Variants in KLHL21 observed in about 807,000 individuals in gnomAD.
The protein encoded by KLHL21 is kelch-like protein 21.
Under a neutral mutation model 44.1 loss-of-function variants are expected in KLHL21, and 42 were observed. The observed-to-expected ratio is 0.95, with a 90% CI of 0.74 to 1.23. The LOEUF is 1.23. Among genes scored for constraint, KLHL21 ranks in the 50% most tolerant of loss-of-function variants. The probability of loss-of-function intolerance (pLI) is 0.00; values close to 1 mark genes in which losing one functional copy is unlikely to be tolerated. For missense variants in KLHL21, 918 were observed against 889.1 expected, an observed-to-expected ratio of 1.03 and a Z score of -0.41; for synonymous variants, 524 against 411.6, an observed-to-expected ratio of 1.27 and a Z score of -3.31.
chr1:6,593,923 A>G, intron 3 of KLHL21: 11 of 1,263,262 alleles, frequency 8.7e-6, no homozygotes, highest in Non-Finnish European at 1.0e-5. Flanking sequence ...CGTGCCGAGC[A>G]GCGCTTCCTA....
intron 1 of KLHL21, among the ~76,000 whole-genome samples, chr1:6,600,205 C>A (rs1640996018): frequency 6.6e-6 from 1 of 152,086 alleles, no homozygotes; most frequent in African/African-American, 2.4e-5. Flanking sequence ...GCCGCCACAC[C>A]CAGCTAATTT....
In KLHL21 at chr1:6,601,863, CG is replaced by C; in HGVS notation, c.954del (p.Glu319SerfsTer21). 6.3e-7 allele frequency: 1 copy of C among 1,578,350 alleles called. No homozygotes were observed. The highest frequency in any genetic ancestry group is 8.6e-7 in the Non-Finnish European group (1 of 1,163,026). ...CCTCCGCCCAGGTGGTCTGGGAACTCGGCCAGGTAGCGCCACTGACCCGTCT... is the reference window on the plus strand; with the variant it reads ...CCTCCGCCCAGGTGGTCTGGGAACTCGCCAGGTAGCGCCACTGACCCGTCT... Reference protein sequence around the residue: ...NPQTGQWRYLAEFPDHLGGGY... With the variant: ...NPQTGQWRYLXEFPDHLGGGY... On this transcript the variant is annotated frameshift_variant, in exon 1 of 4. Transcript: ENST00000377658. LOFTEE classifies it high-confidence loss of function.
In KLHL21 at chr1:6,593,499, C is replaced by T; in HGVS notation, c.1660G>A (p.Gly554Ser). The change falls in exon 4 of 4, where the codon GGC becomes AGC. Residue 554 changes from glycine (G) to serine (S), a missense_variant. By Grantham distance (56) the Gly-to-Ser change is moderately conservative. Transcript: ENST00000377658. ...AACTGGCGGAAGATGCTGACACTGCCATGCCAGAAGGTGGGTTCTGGGAGC... is the reference window on the plus strand; with the variant it reads ...AACTGGCGGAAGATGCTGACACTGCTATGCCAGAAGGTGGGTTCTGGGAGC... ...GRLPEPTFWH[G>S]SVSIFRQFMP... 1 of 1,613,878 alleles carries T rather than the reference C, an allele frequency of 6.2e-7. No homozygotes were observed. Among genetic ancestry groups the T allele is most frequent in the East Asian group, 2.2e-5 (1 of 44,888 alleles).
chr1:6,599,559 A>C, intron 1 of KLHL21, 107 bp from the exon 2 acceptor site: 1 of 1,170,716 alleles, frequency 8.5e-7, no homozygotes, highest in Non-Finnish European at 1.2e-6. Flanking sequence ...AATTAACATC[A>C]CTGGGCTTCA....
intron 2 of KLHL21, among the ~76,000 whole-genome samples, chr1:6,597,370 C>T (rs1640942231): frequency 6.6e-6 from 1 of 152,168 alleles, no homozygotes; most frequent in Admixed American, 6.5e-5. Flanking sequence ...GGAACCACTG[C>T]CTAGGGGCCG....
chr1:6,592,938 C>T lies in KLHL21; in HGVS notation c.*427G>A, dbSNP rs866222640. 2.4e-5 allele frequency: 4 copies of T among 168,210 alleles called. No individual in the cohort carries two copies. The highest frequency in any genetic ancestry group is 1.2e-4 in the Admixed American group (2 of 16,778). 10.4% of individuals were successfully genotyped at this position (168,210 alleles called of 1,614,324 possible). On this transcript the variant is annotated 3_prime_UTR_variant, in exon 4 of 4. Coordinates refer to ENST00000377658, the MANE Select transcript of KLHL21 (RefSeq NM_014851.4). ...CCCACTTCAGCCCGTCTGCCTGGTC[C>T]GCTGCTCCAGGTTCAGGCCATCCTC... is the stretch of plus-strand genomic sequence containing the variant.
intron 1 of KLHL21, 145 bp from the exon 2 acceptor site, chr1:6,599,597 G>C (rs1640986559): frequency 1.2e-6 from 1 of 842,800 alleles, no homozygotes; most frequent in Non-Finnish European, 1.8e-6. Flanking sequence ...CTCCCCAAAA[G>C]CCCAGGCCAC....
rs1369558513 is a variant in KLHL21 at position 6,595,663 on chromosome 1, C to G, written c.1428-106G>C. The G allele has an allele frequency of 6.7e-6, 6 of 895,280 alleles. No homozygotes were observed. In the African/African-American group the frequency reaches 1.0e-4, roughly 15 times the overall value. The allele number at this position is 895,280 out of a possible 1,614,324, so 55.5% of individuals were successfully genotyped here. Reference sequence around the variant, plus strand: ...CTGGGTCACTGACTCCTCCAGTGACCTGGATCTTTCTGATGCCATCCAGCA... The same window carrying G: ...CTGGGTCACTGACTCCTCCAGTGACGTGGATCTTTCTGATGCCATCCAGCA... On this transcript the variant is annotated intron_variant, in intron 2 of 3. Transcript: ENST00000377658.
At position 6,590,893 on chromosome 1, in the gene KLHL21, ACG is replaced by A; in HGVS notation, c.*2470_*2471del. 2.5e-6 allele frequency: 1 copy of A among 398,646 alleles called. No homozygotes were observed. The highest frequency in any genetic ancestry group is 4.4e-6 in the Non-Finnish European group (1 of 226,062). The allele number at this position is 398,646 out of a possible 1,614,324, so 24.7% of individuals were successfully genotyped here. A position where few individuals can be genotyped will look rare whatever the true frequency, so the allele number is the denominator to read the frequency against. On this transcript the variant is annotated 3_prime_UTR_variant, in exon 4 of 4. Transcript: ENST00000377658. ...GGAGGGAGGGCGTCCTTTATTACAT[ACG>A]CGTCTCTGAAGTCATATAAATATAG...
Position 6,593,233 on chromosome 1 carries a change from G to A in KLHL21, c.*132C>T. On this transcript the variant is annotated 3_prime_UTR_variant, in exon 4 of 4. Transcript: ENST00000377658. ...GAAACCTTCCAGGTAATGGATCCTG[G>A]GCTGGCTTCGCCACCCAAGAGCCTG... 2.1e-6 allele frequency: 2 copies of A among 962,824 alleles called. No homozygotes were observed. The highest frequency in any genetic ancestry group is 1.6e-5 in the African/African-American group (1 of 61,290). The allele number at this position is 962,824 out of a possible 1,614,324, so 59.6% of individuals were successfully genotyped here.
chr1:6,600,017 A>AAT (rs141001110), intron 1 of KLHL21, among the ~76,000 whole-genome samples: 237 of 150,380 alleles, frequency 1.6e-3, no homozygotes, highest in East Asian at 8.3e-3. Context: ...GTGTAAGTAT[A>AAT]ATATATATAT....
rs11811607 is a variant in KLHL21, at chr1:6,593,279, C to A, written c.*86G>T. 3.9e-5 allele frequency: 54 copies of A among 1,387,168 alleles called. 1 individual carries two copies. The South Asian group carries it at 4.5e-4, about 12-fold the overall frequency. 85.9% of individuals were successfully genotyped at this position (1,387,168 alleles called of 1,614,324 possible). ...GCCTGTGCTCCTCCTGTGAGCCCAA[C>A]GTGTCCTTGTGCACAAAGGAGTGGG... On this transcript the variant is annotated 3_prime_UTR_variant, in exon 4 of 4. Transcript: ENST00000377658.
rs1304386977 is a variant in KLHL21, at chr1:6,593,070, C to T, written c.*295G>A. The T allele has an allele frequency of 7.2e-5, 30 of 417,912 alleles. No homozygotes were observed. Among genetic ancestry groups the T allele is most frequent in the Admixed American group, 1.5e-4 (4 of 26,720 alleles). The allele number at this position is 417,912 out of a possible 1,614,324, so 25.9% of individuals were successfully genotyped here. ...AGATGACAACGGCAGGAGGGGTGTG[C>T]GCCGCGTGGGTGAGCTGTGATCCGC... On this transcript the variant is annotated 3_prime_UTR_variant, in exon 4 of 4. Coordinates refer to ENST00000377658, the MANE Select transcript of KLHL21 (RefSeq NM_014851.4).
In KLHL21 at chr1:6,599,459, G is replaced by A; in HGVS notation, c.1022-7C>T. 1.9e-6 allele frequency: 3 copies of A among 1,593,838 alleles called. No homozygotes were observed. The highest frequency in any genetic ancestry group is 1.1e-5 in the South Asian group (1 of 89,488). On this transcript the variant is annotated splice_region_variant and splice_polypyrimidine_tract_variant and intron_variant, in intron 1 of 3. Coordinates refer to ENST00000377658, the MANE Select transcript of KLHL21 (RefSeq NM_014851.4). ...CGGGAGCCATCGGACCCACCTGCCAGGACGCATGACAGGCAGAAGATCAGC... is the reference window on the plus strand; with the variant it reads ...CGGGAGCCATCGGACCCACCTGCCAAGACGCATGACAGGCAGAAGATCAGC...
At chr1:6,598,861 C>T (rs947740170) in intron 2 of KLHL21, among the ~76,000 whole-genome samples, 186 bp downstream of exon 2, 1 of 152,326 alleles carries the variant, frequency 6.6e-6, no homozygotes, top group South Asian at 2.1e-4. Context: ...CCAGCCTGGG[C>T]GACAGAGCGA....
At chr1:6,598,177 A>G (rs938857166) in intron 2 of KLHL21, among the ~76,000 whole-genome samples, 10 of 152,108 alleles carry the variant, frequency 6.6e-5, no homozygotes, top group African/African-American at 2.4e-4. Context: ...CACACCTACA[A>G]TCCCAGCACT....
At position 6,602,411 on chromosome 1, in the gene KLHL21, G is replaced by C; in HGVS notation, c.407C>G (p.Ala136Gly). Reference sequence around the variant, plus strand: ...GAAGTCCTGCATGTCCAGGCAGTTGGCCAGGTCGAGCTGCTGCTGCAGGAA... The same window carrying C: ...GAAGTCCTGCATGTCCAGGCAGTTGCCCAGGTCGAGCTGCTGCTGCAGGAA... Reference protein sequence around the residue: ...GAFLQQQLDLANCLDMQDFAE... With the variant: ...GAFLQQQLDLGNCLDMQDFAE... Residue 136 changes from alanine (A) to glycine (G), a missense_variant, in exon 1 of 4, where the codon GCC (alanine) becomes GGC (glycine). Physicochemically the swap from Ala to Gly is moderately conservative, Grantham distance 60. Transcript: ENST00000377658. The C allele has an allele frequency of 6.3e-7, 1 of 1,596,472 alleles. No homozygotes were observed. Among genetic ancestry groups the C allele is most frequent in the South Asian group, 1.1e-5 (1 of 89,066 alleles).
At chr1:6,597,013 CA>C (rs1640936873) in intron 2 of KLHL21, among the ~76,000 whole-genome samples, 2 of 152,242 alleles carry the variant, frequency 1.3e-5, no homozygotes, top group African/African-American at 2.4e-5. Flanking sequence ...ACAAATAGCC[CA>C]GGGGGACCAG....
intron 1 of KLHL21, 95 bp downstream of exon 1, chr1:6,601,702 A>G: frequency 2.8e-6 from 4 of 1,452,638 alleles, no homozygotes; most frequent in Non-Finnish European, 3.6e-6. Context: ...CGCCCCTAGG[A>G]TTCCAGGCTC....
Sources: allele counts gnomAD v4.1 joint callset (sites outside exome capture counted in the v4.1 genomes callset), GRCh38; gene constraint gnomAD v4.1.1; transcripts MANE v1.5; gene names NCBI Gene and HGNC (gene_info 2026-07-23, HGNC 2026-07-21).